The following CEP126 variants were observed in gnomAD, a reference collection of about 807,000 sequenced individuals.
The protein encoded by CEP126 is centrosomal protein of 126 kDa.
A neutral mutation model predicts 107.8 loss-of-function variants in CEP126; 74 were observed. The ratio of observed to expected loss-of-function variants is 0.69; its 90% CI spans 0.57 to 0.83. The LOEUF is 0.83. Among genes scored for constraint, CEP126 ranks in the 40% least tolerant of loss-of-function variants. CEP126 has a pLI of 0.00. For synonymous variants in CEP126, 449 were observed against 446.0 expected, an observed-to-expected ratio of 1.01 and a Z score of -0.08; for missense variants, 1,237 against 1,281.9, an observed-to-expected ratio of 0.96 and a Z score of 0.53.
chr11:101,955,206 TTAA>T (rs148321955), intron 4 of CEP126, among the ~76,000 whole-genome samples: 8,465 of 152,252 alleles, frequency 0.056, 449 homozygotes, highest in East Asian at 0.26. Context: ...TATAAGAATA[TTAA>T]TAAGGGAGTA....
chr11:101,923,614 T>C (rs917484045), intron 2 of CEP126, among the ~76,000 whole-genome samples: 1 of 152,232 alleles, frequency 6.6e-6, no homozygotes, highest in Non-Finnish European at 1.5e-5. Context: ...AACTTTTTTA[T>C]TGTCTGATGT....
chr11:101,994,830 G>C (rs1941423443), intron 10 of CEP126, among the ~76,000 whole-genome samples: 1 of 151,630 alleles, frequency 6.6e-6, no homozygotes, highest in Non-Finnish European at 1.5e-5. Context: ...CTGCTAAGAA[G>C]TGTACATCGG....
At chr11:101,952,254 A>G (rs1208350049) in intron 4 of CEP126, among the ~76,000 whole-genome samples, 1 of 152,214 alleles carries the variant, frequency 6.6e-6, no homozygotes, top group Non-Finnish European at 1.5e-5. Flanking sequence ...GTGGGCAGAT[A>G]GGTTGGAAAA....
chr11:101,986,155 G>A (rs1432098705), intron 8 of CEP126, among the ~76,000 whole-genome samples: 2 of 151,868 alleles, frequency 1.3e-5, no homozygotes, highest in Admixed American at 6.6e-5. Context: ...GCTAATTTTT[G>A]TATTTTTAGT....
In CEP126 at chr11:101,933,730, G is replaced by A. The variant is rs530331893; in HGVS notation, c.249-10535G>A. Reference sequence around the variant, plus strand: ...GCACCCTGATAGTATCCCTCTATCCGAAATATAAACGCCAATCATGTAAAT... The same window carrying A: ...GCACCCTGATAGTATCCCTCTATCCAAAATATAAACGCCAATCATGTAAAT... On this transcript the variant is annotated intron_variant, in intron 2 of 10. Transcript: ENST00000263468. 2.0e-4 allele frequency among the ~76,000 whole-genome samples: 31 copies of A among 151,544 alleles called. No individual in the cohort carries two copies. The South Asian group carries it at 4.0e-3, about 19-fold the overall frequency.
At position 101,961,945 on chromosome 11, in the gene CEP126, T is replaced by C; in HGVS notation, c.910T>C (p.Ser304Pro). Residue 304 changes from serine to proline, a missense_variant, in exon 6 of 11, where the codon TCT becomes CCT. Physicochemically the swap from Ser to Pro is moderately conservative, Grantham distance 74 (BLOSUM62 -1). Coordinates refer to ENST00000263468, the MANE Select transcript of CEP126 (RefSeq NM_020802.4). ...SCFDEDKLAF[S>P]KTQHINNWLT... ...CTTTGATGAAGATAAACTGGCATTC[T>C]CTAAAACTCAACATATAAATAATTG... is the stretch of plus-strand genomic sequence containing the variant. The C allele has an allele frequency of 6.2e-7, 1 of 1,611,140 alleles. No individual in the cohort carries two copies. Among genetic ancestry groups the C allele is most frequent in the East Asian group, 2.2e-5 (1 of 44,848 alleles).
chr11:101,922,695 G>A lies in CEP126; in HGVS notation c.183G>A (p.Leu61=), dbSNP rs1484838027. 3 of 1,611,266 alleles carry A rather than the reference G, an allele frequency of 1.9e-6. No individual in the cohort carries two copies. Among genetic ancestry groups the A allele is most frequent in the Non-Finnish European group, 2.5e-6 (3 of 1,177,758 alleles). The change falls in exon 2 of 11, where the codon CTG becomes CTA. Residue 61 remains leucine, a synonymous_variant. Coordinates refer to ENST00000263468, the MANE Select transcript of CEP126 (RefSeq NM_020802.4). ...TAGAAGAAGAGCGCCAGATATTACT[G>A]CAGCAACAAAAAATATGTCGAAATC... The part of the protein sequence containing the change: ...KNLEEERQIL[L]QQQKICRNRA...
chr11:101,956,412 C>T (rs899586334), intron 4 of CEP126: 2 of 456,236 alleles, frequency 4.4e-6, no homozygotes, highest in Non-Finnish European at 4.4e-6. Flanking sequence ...CCTTTTCAGT[C>T]AGTCCAGCAA....
At chr11:101,979,655 A>G (rs1362380325) in intron 7 of CEP126, among the ~76,000 whole-genome samples, 1 of 152,174 alleles carries the variant, frequency 6.6e-6, no homozygotes, top group African/African-American at 2.4e-5. Context: ...GGGAGGATGC[A>G]TGAGCCCAGG....
intron 6 of CEP126, among the ~76,000 whole-genome samples, chr11:101,973,635 A>C (rs1296625971): frequency 6.6e-6 from 1 of 152,190 alleles, no homozygotes; most frequent in Non-Finnish European, 1.5e-5. Context: ...ACAAACCTAC[A>C]CATCCTGTAC....
chr11:101,969,466 TAAA>T (rs927503529), intron 6 of CEP126, among the ~76,000 whole-genome samples: 4 of 152,060 alleles, frequency 2.6e-5, no homozygotes, highest in African/African-American at 7.2e-5. Context: ...GAAAAAAAAT[TAAA>T]GAAGATCTAT....
At chr11:101,952,932 A>G (rs1940831489) in intron 4 of CEP126, among the ~76,000 whole-genome samples, 1 of 152,228 alleles carries the variant, frequency 6.6e-6, no homozygotes, top group Non-Finnish European at 1.5e-5. Context: ...GTGCATGCCA[A>G]CTAGGTAACA....
chr11:101,935,936 C>G (rs988159158), intron 2 of CEP126, among the ~76,000 whole-genome samples: 1 of 152,040 alleles, frequency 6.6e-6, no homozygotes, highest in Non-Finnish European at 1.5e-5. Flanking sequence ...GGGCAAAACT[C>G]TCCTCAGTTG....
In CEP126 at chr11:101,948,126, C is replaced by A; in HGVS notation, c.490C>A (p.Pro164Thr). The A allele has an allele frequency of 6.3e-7, 1 of 1,598,914 alleles. No individual in the cohort carries two copies. Among genetic ancestry groups the A allele is most frequent in the Non-Finnish European group, 8.6e-7 (1 of 1,167,258 alleles). Residue 164 changes from proline (P) to threonine (T), a missense_variant, in exon 4 of 11, where the codon CCA becomes ACA. Physicochemically the swap from Pro to Thr is conservative, Grantham distance 38. Around this residue, in one of 3 missense-constraint regions of CEP126, gnomAD observed 1,134 missense variants for 1,150.5 expected, o/e 0.99. Transcript: ENST00000263468. ...SEVNLPFSRR[P>T]TINWRAIDSA... is the part of the protein sequence containing the mutation. ...AGTAAACCTTCCCTTTTCCCGTAGA[C>A]CAACAATAAACTGGAGGTAAGTAAT...
At chr11:101,988,855 A>T (rs1047725469) in intron 9 of CEP126, among the ~76,000 whole-genome samples, 3 of 152,108 alleles carry the variant, frequency 2.0e-5, no homozygotes, top group Admixed American at 2.0e-4. Context: ...AATACATAAG[A>T]TTTTTATATG....
At chr11:101,947,911 ATATTT>A in intron 3 of CEP126, 115 bp from the exon 4 acceptor site, 2 of 439,614 alleles carry the variant, frequency 4.5e-6, no homozygotes, top group South Asian at 8.7e-5. Flanking sequence ...TATTCTGAAA[ATATTT>A]TATTTTTACA....
chr11:101,960,457 A>T (rs954632659), intron 5 of CEP126, among the ~76,000 whole-genome samples: 2 of 152,214 alleles, frequency 1.3e-5, no homozygotes, highest in African/African-American at 4.8e-5. Flanking sequence ...CATCATTATC[A>T]GTTAAAACAA....
intron 1 of CEP126, among the ~76,000 whole-genome samples, chr11:101,917,877 G>C (rs1338935615): frequency 6.6e-6 from 1 of 152,134 alleles, no homozygotes; most frequent in Non-Finnish European, 1.5e-5. Flanking sequence ...TGCTGTCAAA[G>C]AAAAATCACA....
intron 6 of CEP126, among the ~76,000 whole-genome samples, chr11:101,967,597 C>T (rs764117897): frequency 6.6e-6 from 1 of 152,136 alleles, no homozygotes; most frequent in African/African-American, 2.4e-5. Flanking sequence ...TTATTTCAAA[C>T]ATCCTCCCCA....
Sources: gnomAD v4.1 joint callset for allele counts (sites outside exome capture counted in the v4.1 genomes callset) on GRCh38, gnomAD v4.1.1 for gene constraint, gnomAD v4.1.1 regional missense constraint, MANE v1.5 for transcripts, NCBI Gene and HGNC (gene_info 2026-07-23, HGNC 2026-07-21) for gene names.